Variants in KIAA1549L observed in about 807,000 individuals in gnomAD.
KIAA1549L encodes the protein KIAA1549 like.
In KIAA1549L, 88 loss-of-function variants were observed where a neutral mutation model predicts 160.7. That is an observed-to-expected ratio of 0.55 (90% CI 0.46 to 0.65). The LOEUF is 0.65. Among genes scored for constraint, KIAA1549L ranks in the 30% least tolerant of loss-of-function variants. KIAA1549L has a pLI of 0.00. For synonymous variants in KIAA1549L, 950 were observed against 976.7 expected (o/e 0.97, Z 0.51); for missense variants, 2,258 against 2,437.5 (o/e 0.93, Z 1.55).
At chr11:33,598,989 A>G in intron 13 of KIAA1549L, 42 bp downstream of exon 13, 1 of 1,607,868 alleles carries the variant, frequency 6.2e-7, no homozygotes, top group East Asian at 2.2e-5. Flanking sequence ...AGCTGCTCCC[A>G]CGCGTGCCCG....
At chr11:33,444,729 A>G (rs1194520844) in intron 1 of KIAA1549L, among the ~76,000 whole-genome samples, 2 of 152,128 alleles carry the variant, frequency 1.3e-5, no homozygotes, top group Non-Finnish European at 2.9e-5. Flanking sequence ...CGAATACACT[A>G]CTCTGCAAAA....
In KIAA1549L at chr11:33,551,031, G is replaced by T; in HGVS notation, c.3502-9G>T. On this transcript the variant is annotated splice_polypyrimidine_tract_variant and intron_variant, in intron 4 of 20. Transcript: ENST00000658780. ...AACAATGGGTTTTGTGGGTCCATTT[G>T]TTTTGTAGGTGGACATTCTGGAATA... 1 of 1,611,534 alleles carries T rather than the reference G, an allele frequency of 6.2e-7. No homozygotes were observed. The highest frequency in any genetic ancestry group is 1.3e-5 in the African/African-American group (1 of 75,012).
chr11:33,431,278 G>T (rs1851235083), intron 1 of KIAA1549L, among the ~76,000 whole-genome samples: 1 of 152,122 alleles, frequency 6.6e-6, no homozygotes, highest in Non-Finnish European at 1.5e-5. Context: ...TGTGGAAGGG[G>T]ACCCGAGCGG....
In KIAA1549L at chr11:33,543,259, A is replaced by G. The variant is rs1291320531; in HGVS notation, c.1696A>G (p.Thr566Ala). The change falls in exon 2 of 21, where the codon ACA becomes GCA. Residue 566 changes from threonine to alanine, a missense_variant. By Grantham distance (58) the Thr-to-Ala change is moderately conservative. Transcript: ENST00000658780. ...TCCCCGGTGGAAAAAGGACAGTGTG[A>G]CAGCCATTTTAGGGAAGAATGAAGA... ...TFPRWKKDSVTAILGKNEEAN... is the reference protein window; with the variant it reads ...TFPRWKKDSVAAILGKNEEAN... 2 of 1,613,938 alleles carry G rather than the reference A, an allele frequency of 1.2e-6. No homozygotes were observed. The highest frequency in any genetic ancestry group is 1.7e-6 in the Non-Finnish European group (2 of 1,179,906).
chr11:33,574,918 T>G (rs749326035), intron 10 of KIAA1549L, 45 bp downstream of exon 10: 1 of 1,527,784 alleles, frequency 6.5e-7, no homozygotes, highest in Non-Finnish European at 9.0e-7. Context: ...TGCCATTAAA[T>G]GTTTCCTGAA....
intron 1 of KIAA1549L, among the ~76,000 whole-genome samples, chr11:33,537,634 T>C (rs1377124524): frequency 6.6e-6 from 1 of 152,234 alleles, no homozygotes; most frequent in Non-Finnish European, 1.5e-5. Flanking sequence ...TTATACCTTC[T>C]TCCCACTGTC....
rs1293991752 is a variant in KIAA1549L, at chr11:33,496,937, A to C, written c.239-44865A>C. On this transcript the variant is annotated intron_variant, in intron 1 of 20. Transcript: ENST00000658780. ...TTTCTTTTGGTTTCTTAAACACACCAGCCTCCTTTCAACCTCATTTCTACC... is the reference window on the plus strand; with the variant it reads ...TTTCTTTTGGTTTCTTAAACACACCCGCCTCCTTTCAACCTCATTTCTACC... 2.0e-5 allele frequency among the ~76,000 whole-genome samples: 3 copies of C among 152,112 alleles called. No individual in the cohort carries two copies. The East Asian group carries it at 5.8e-4, about 29-fold the overall frequency.
At chr11:33,468,183 G>A (rs1314828747) in intron 1 of KIAA1549L, among the ~76,000 whole-genome samples, 2 of 152,218 alleles carry the variant, frequency 1.3e-5, no homozygotes, top group Non-Finnish European at 2.9e-5. Context: ...CGATTGGCAA[G>A]TATTACACTC....
Position 33,667,432 on chromosome 11 carries a change from G to A in KIAA1549L, c.6160-441G>A, listed in dbSNP as rs546378772. On this transcript the variant is annotated intron_variant, in intron 20 of 20. Transcript: ENST00000658780. ...TTTTGAGACGGAGTCTCACTCTGTC[G>A]CCCAGGCTGGAGTGCAGTGGTACAA... 4.0e-5 allele frequency among the ~76,000 whole-genome samples: 6 copies of A among 150,118 alleles called. No homozygotes were observed. In the East Asian group the frequency reaches 5.9e-4, roughly 15 times the overall value.
At chr11:33,560,924 T>C (rs556980372) in intron 7 of KIAA1549L, among the ~76,000 whole-genome samples, 2 of 152,342 alleles carry the variant, frequency 1.3e-5, no homozygotes, top group African/African-American at 4.8e-5. Flanking sequence ...AAAGATGATG[T>C]CATAAAAGAT....
chr11:33,541,949 C>A lies in KIAA1549L; in HGVS notation c.386C>A (p.Ser129Tyr). 2.6e-6 allele frequency: 1 copy of A among 383,496 alleles called. No individual in the cohort carries two copies. Among genetic ancestry groups the A allele is most frequent in the Non-Finnish European group, 5.4e-6 (1 of 183,932 alleles). The allele number at this position is 383,496 out of a possible 1,614,324, so 23.8% of individuals were successfully genotyped here. The change falls in exon 2 of 21, where the codon TCT (serine) becomes TAT (tyrosine). Residue 129 changes from serine to tyrosine, a missense_variant. Coordinates refer to ENST00000658780, the MANE Select transcript of KIAA1549L (RefSeq NM_012194.3). ...DRIKTVLGQS[S>Y]DNTSLPQSAR... ...ATCAAGACCGTGCTGGGACAGTCCT[C>A]TGACAACACAAGCTTGCCACAGTCA...
chr11:33,552,045 G>C, intron 5 of KIAA1549L, 63 bp from the exon 6 acceptor site: 1 of 1,585,662 alleles, frequency 6.3e-7, no homozygotes, highest in East Asian at 2.2e-5. Context: ...TATGACCACT[G>C]TTAAATCCAA....
chr11:33,619,201 A>G (rs1170626807), intron 16 of KIAA1549L, among the ~76,000 whole-genome samples: 2 of 152,146 alleles, frequency 1.3e-5, no homozygotes, highest in African/African-American at 4.8e-5. Flanking sequence ...AGATTTCCCC[A>G]GATGAGGAGT....
chr11:33,659,046 C>T, intron 19 of KIAA1549L, 148 bp downstream of exon 19: 1 of 871,456 alleles, frequency 1.1e-6, no homozygotes, highest in Non-Finnish European at 1.7e-6. Flanking sequence ...ACTTCAGGAG[C>T]CCCAACTAAA....
rs77589162 is a variant in KIAA1549L at position 33,600,227 on chromosome 11, G to T, written c.4879+1280G>T. Among the ~76,000 whole-genome samples, 1,246 of 152,230 alleles carry T rather than the reference G, an allele frequency of 8.2e-3. 10 individuals carry two copies. Among genetic ancestry groups the T allele is most frequent in the African/African-American group, 0.027 (1,142 of 41,544 alleles). On this transcript the variant is annotated intron_variant, in intron 13 of 20. Coordinates refer to ENST00000658780, the MANE Select transcript of KIAA1549L (RefSeq NM_012194.3). ...GCTGTGCTTTCTACATCAGAAATGG[G>T]GTGTGACCTGTGGAATTTTCCTGCA...
At position 33,490,735 on chromosome 11, in the gene KIAA1549L, G is replaced by A. The variant is rs112898756; in HGVS notation, c.239-51067G>A. Among the ~76,000 whole-genome samples, 2 of 152,278 alleles carry A rather than the reference G, an allele frequency of 1.3e-5. 1 individual carries two copies. Among genetic ancestry groups the A allele is most frequent in the African/African-American group, 4.8e-5 (2 of 41,554 alleles). On this transcript the variant is annotated intron_variant, in intron 1 of 20. Coordinates refer to ENST00000658780, the MANE Select transcript of KIAA1549L (RefSeq NM_012194.3). ...GTTCCAGCTGCAGTTAGAAATGTTAGCAGGGACTCAGGTGCCTGCCTTTGC... is the reference window on the plus strand; with the variant it reads ...GTTCCAGCTGCAGTTAGAAATGTTAACAGGGACTCAGGTGCCTGCCTTTGC...
At chr11:33,487,222 CTT>C (rs1017181712) in intron 1 of KIAA1549L, among the ~76,000 whole-genome samples, 1 of 152,088 alleles carries the variant, frequency 6.6e-6, no homozygotes, top group African/African-American at 2.4e-5. Context: ...TTAACCATCT[CTT>C]TTTCTCAGCG....
intron 1 of KIAA1549L, among the ~76,000 whole-genome samples, chr11:33,497,210 G>A (rs1430146756): frequency 6.6e-6 from 1 of 152,056 alleles, no homozygotes; most frequent in Non-Finnish European, 1.5e-5. Context: ...TGCTGCAAGA[G>A]CAGGAACTTA....
intron 1 of KIAA1549L, among the ~76,000 whole-genome samples, chr11:33,522,483 G>T (rs924545085): frequency 1.3e-5 from 2 of 152,140 alleles, no homozygotes; most frequent in African/African-American, 4.8e-5. Context: ...CAGTACCCAC[G>T]ATATATCACA....
Sources: allele counts gnomAD v4.1 joint callset (sites outside exome capture counted in the v4.1 genomes callset), GRCh38; gene constraint gnomAD v4.1.1; transcripts MANE v1.5; gene names NCBI Gene and HGNC (gene_info 2026-07-23, HGNC 2026-07-21).